Variants in IL1RAPL2 observed in about 807,000 individuals in gnomAD.
The protein encoded by IL1RAPL2 is interleukin 1 receptor accessory protein like 2.
A neutral mutation model predicts 44.1 loss-of-function variants in IL1RAPL2; 3 were observed. The observed-to-expected ratio is 0.07, with a 90% CI of 0.03 to 0.18. The LOEUF (loss-of-function observed/expected upper bound fraction) is 0.18. Among genes scored for constraint, IL1RAPL2 ranks in the 10% least tolerant of loss-of-function variants. IL1RAPL2 has a pLI of 1.00. For missense variants in IL1RAPL2, 391 were observed against 496.4 expected, an observed-to-expected ratio of 0.79 and a Z score of 2.02; for synonymous variants, 181 against 178.8, an observed-to-expected ratio of 1.01 and a Z score of -0.10.
intron 6 of IL1RAPL2, among the ~76,000 whole-genome samples, chrX:105,486,519 G>A (rs1189000414): frequency 2.7e-5 from 3 of 110,739 alleles, no homozygotes; most frequent in African/African-American, 9.9e-5. Flanking sequence ...GCCAAATCTA[G>A]ATATGCTGAT....
chrX:105,556,144 ATGAC>A (rs1453657417), intron 6 of IL1RAPL2, among the ~76,000 whole-genome samples: 2 of 112,161 alleles, frequency 1.8e-5, no homozygotes, highest in Non-Finnish European at 3.8e-5. Flanking sequence ...AATGAAATAA[ATGAC>A]TATCACTGTC....
intron 5 of IL1RAPL2, among the ~76,000 whole-genome samples, chrX:105,307,504 T>A (rs1176123205): frequency 3.4e-5 from 2 of 58,163 alleles, no homozygotes; most frequent in East Asian, 5.2e-4. Context: ...ATTATATATA[T>A]TATATATAAT....
At chrX:104,934,569 G>T (rs1301144509) in intron 2 of IL1RAPL2, among the ~76,000 whole-genome samples, 1 of 111,096 alleles carries the variant, frequency 9.0e-6, no homozygotes, top group Non-Finnish European at 1.9e-5. Flanking sequence ...TGAGGGAGAA[G>T]ATGATAAATC....
intron 2 of IL1RAPL2, among the ~76,000 whole-genome samples, chrX:104,831,454 T>C (rs1921604475): frequency 9.0e-6 from 1 of 111,492 alleles, no homozygotes. Context: ...ATTTTACAGA[T>C]AAAGAAACTA....
chrX:104,950,268 C>G (rs771480188), intron 2 of IL1RAPL2, among the ~76,000 whole-genome samples: 19 of 111,839 alleles, frequency 1.7e-4, no homozygotes, highest in Middle Eastern at 9.3e-3. Flanking sequence ...TTTTCCATTT[C>G]CTTGGTAGAT....
chrX:104,783,541 A>G (rs1932784597), intron 2 of IL1RAPL2, among the ~76,000 whole-genome samples: 1 of 110,863 alleles, frequency 9.0e-6, no homozygotes, highest in Admixed American at 9.7e-5. Flanking sequence ...TTAATTGGCA[A>G]TGATCTCTAT....
At chrX:105,171,798 G>A (rs936663195) in intron 2 of IL1RAPL2, among the ~76,000 whole-genome samples, 2 of 111,118 alleles carry the variant, frequency 1.8e-5, no homozygotes, top group Non-Finnish European at 3.8e-5. Flanking sequence ...TACCTGGCCC[G>A]CTTACCTGCT....
chrX:104,626,165 G>A (rs1293857769), intron 1 of IL1RAPL2, among the ~76,000 whole-genome samples: 1 of 111,050 alleles, frequency 9.0e-6, no homozygotes, highest in African/African-American at 3.3e-5. Flanking sequence ...CCCAATGAAT[G>A]TTAGTTTCAT....
intron 2 of IL1RAPL2, among the ~76,000 whole-genome samples, chrX:104,668,330 T>A (rs1444855674): frequency 9.1e-6 from 1 of 109,392 alleles, no homozygotes; most frequent in Non-Finnish European, 1.9e-5. Flanking sequence ...TTTTTATTTT[T>A]TTATTATTAT....
At chrX:105,004,771 C>G (rs771994288) in intron 2 of IL1RAPL2, among the ~76,000 whole-genome samples, 1 of 110,907 alleles carries the variant, frequency 9.0e-6, no homozygotes, top group Non-Finnish European at 1.9e-5. Context: ...TACCTCGATA[C>G]TGATGTATTA....
Position 104,926,954 on chromosome X carries a change from T to C in IL1RAPL2, c.82+267959T>C, listed in dbSNP as rs188566687. On this transcript the variant is annotated intron_variant, in intron 2 of 10. Coordinates refer to ENST00000372582, the MANE Select transcript of IL1RAPL2 (RefSeq NM_017416.2). ...TACTGGACCGGGAGTCAGCTTTAGC[T>C]TTACATTGAACTAGCTGTGTGACTT... Among the ~76,000 whole-genome samples, 40 of 111,929 alleles carry C rather than the reference T, an allele frequency of 3.6e-4. 1 individual carries two copies. In the East Asian group the frequency reaches 0.01, roughly 28 times the overall value.
chrX:104,870,037 A>T (rs1158271192), intron 2 of IL1RAPL2, among the ~76,000 whole-genome samples: 2 of 111,901 alleles, frequency 1.8e-5, no homozygotes, highest in Non-Finnish European at 3.8e-5. Flanking sequence ...TGCCTCTGGG[A>T]TGTTGTGGTT....
At chrX:104,909,768 T>G (rs1164343433) in intron 2 of IL1RAPL2, among the ~76,000 whole-genome samples, 5 of 112,556 alleles carry the variant, frequency 4.4e-5, no homozygotes, top group African/African-American at 1.3e-4. Flanking sequence ...CAGGGACATT[T>G]AAGTCTGCAG....
intron 2 of IL1RAPL2, among the ~76,000 whole-genome samples, chrX:104,724,834 T>C (rs1214820945): frequency 2.7e-5 from 3 of 111,592 alleles, no homozygotes; most frequent in Non-Finnish European, 3.8e-5. Flanking sequence ...CAGTTGGCTG[T>C]AAGTATGTGG....
At chrX:104,734,379 CA>C (rs1931977218) in intron 2 of IL1RAPL2, among the ~76,000 whole-genome samples, 1 of 112,450 alleles carries the variant, frequency 8.9e-6, no homozygotes, top group South Asian at 3.6e-4. Flanking sequence ...TAATAACCCC[CA>C]ATTGGAAACA....
intron 1 of IL1RAPL2, among the ~76,000 whole-genome samples, chrX:104,603,273 G>A (rs6523788): frequency 0.17 from 18,175 of 109,691 alleles, 3,723 homozygotes; most frequent in African/African-American, 0.57. Context: ...GGAATAGCAC[G>A]TCCACTCAAA....
At chrX:104,828,951 G>T (rs1921537751) in intron 2 of IL1RAPL2, among the ~76,000 whole-genome samples, 1 of 112,171 alleles carries the variant, frequency 8.9e-6, no homozygotes, top group Non-Finnish European at 1.9e-5. Flanking sequence ...GCCTACTCAA[G>T]TCTCAGTAAT....
chrX:105,337,565 G>A (rs2147697317), intron 5 of IL1RAPL2, among the ~76,000 whole-genome samples: 1 of 112,002 alleles, frequency 8.9e-6, no homozygotes, highest in Non-Finnish European at 1.9e-5. Flanking sequence ...CAAATGAAGG[G>A]GGGAGGGCCC....
chrX:105,403,198 G>A (rs1037691330), intron 5 of IL1RAPL2, among the ~76,000 whole-genome samples: 4 of 111,386 alleles, frequency 3.6e-5, no homozygotes, highest in African/African-American at 1.3e-4. Context: ...AGTACCTGTT[G>A]AACTAGGCAA....
Sources: gnomAD v4.1 joint callset for allele counts (sites outside exome capture counted in the v4.1 genomes callset) on GRCh38, gnomAD v4.1.1 for gene constraint, MANE v1.5 for transcripts, NCBI Gene and HGNC (gene_info 2026-07-23, HGNC 2026-07-21) for gene names.